C13orf42: variants seen among roughly 807,000 people sequenced by gnomAD.
C13orf42 encodes the protein uncharacterized protein C13orf42.
At chr13:51,156,278 A>AC (rs11406063) in intron 1 of C13orf42, among the ~76,000 whole-genome samples, 40,293 of 152,136 alleles carry the variant, frequency 0.26, 5,549 homozygotes, top group Admixed American at 0.33. Flanking sequence ...TGGCCCTTCC[A>AC]TTTGAAAGCC....
chr13:51,122,496 T>C (rs1185898913), intron 1 of C13orf42, among the ~76,000 whole-genome samples: 1 of 143,472 alleles, frequency 7.0e-6, no homozygotes, highest in Non-Finnish European at 1.5e-5. Flanking sequence ...ATTGCGCCAC[T>C]GCACTCCAGC....
chr13:51,130,725 C>G (rs530141473), intron 1 of C13orf42, among the ~76,000 whole-genome samples: 8 of 152,196 alleles, frequency 5.3e-5, no homozygotes, highest in Admixed American at 3.3e-4. Context: ...TAATTAAACC[C>G]CTGAACTTAC....
intron 1 of C13orf42, among the ~76,000 whole-genome samples, chr13:51,163,558 A>C (rs1465006398): frequency 1.3e-5 from 2 of 152,128 alleles, no homozygotes; most frequent in Non-Finnish European, 2.9e-5. Context: ...TAGTATTTTC[A>C]CTTAGCAAAC....
At chr13:51,086,627 T>C (rs555475503) in intron 2 of C13orf42, among the ~76,000 whole-genome samples, 29 of 152,338 alleles carry the variant, frequency 1.9e-4, no homozygotes, top group African/African-American at 5.8e-4. Flanking sequence ...TTCTTCTTTA[T>C]GCTTTGGTAT....
intron 1 of C13orf42, among the ~76,000 whole-genome samples, chr13:51,093,126 G>T (rs150573024): frequency 1.3e-5 from 2 of 152,228 alleles, no homozygotes; most frequent in East Asian, 3.8e-4. Context: ...TGTGCAAGTT[G>T]GTTTGTTCAA....
At chr13:51,158,227 G>GA (rs1953838899) in intron 1 of C13orf42, among the ~76,000 whole-genome samples, 3 of 152,218 alleles carry the variant, frequency 2.0e-5, no homozygotes, top group Non-Finnish European at 4.4e-5. Flanking sequence ...AGAACCTACA[G>GA]TTCTCAGCCA....
At chr13:51,156,109 T>C (rs1953822586) in intron 1 of C13orf42, among the ~76,000 whole-genome samples, 2 of 152,182 alleles carry the variant, frequency 1.3e-5, no homozygotes, top group African/African-American at 4.8e-5. Context: ...ACCCCCGGCC[T>C]GTAACCCAGG....
chr13:51,163,704 T>C (rs1257217525), intron 1 of C13orf42, among the ~76,000 whole-genome samples: 1 of 152,124 alleles, frequency 6.6e-6, no homozygotes, highest in Non-Finnish European at 1.5e-5. Context: ...ATCTCCAGGC[T>C]GGCCCCTGCT....
rs541566573 is a variant in C13orf42 at position 51,134,615 on chromosome 13, T to C, written n.137-21393A>G. On this transcript the variant is annotated intron_variant and non_coding_transcript_variant, in intron 1 of 4. Coordinates refer to the C13orf42 transcript ENST00000433280. ...AACAAGCAAGGCAGGAAATTCCTCC[T>C]GTCTGAGGTTAATTTGATCACCAGC... Among the ~76,000 whole-genome samples, 126 of 152,386 alleles carry C rather than the reference T, an allele frequency of 8.3e-4. 1 individual carries two copies. The highest frequency in any genetic ancestry group is 6.8e-3 in the Middle Eastern group (2 of 294).
Position 51,132,501 on chromosome 13 carries a change from G to T in C13orf42, n.137-19279C>A, listed in dbSNP as rs1165520189. On this transcript the variant is annotated intron_variant and non_coding_transcript_variant, in intron 1 of 4. Transcript: ENST00000433280. The stretch of plus-strand genomic sequence containing the variant: ...AAATTAAACACTTATTCATCTTCTG[G>T]ATATCACCTTTTGTTGGAACTCAGA... Among the ~76,000 whole-genome samples the T allele has an allele frequency of 3.9e-5, 6 of 152,016 alleles. No individual in the cohort carries two copies. In the East Asian group the frequency reaches 1.2e-3, roughly 29 times the overall value.
chr13:51,099,931 C>T (rs1364242269), intron 1 of C13orf42, among the ~76,000 whole-genome samples: 2 of 152,228 alleles, frequency 1.3e-5, no homozygotes, highest in Admixed American at 1.3e-4. Flanking sequence ...ATATATCAAA[C>T]TGTTAGAAGC....
intron 1 of C13orf42, among the ~76,000 whole-genome samples, chr13:51,116,931 G>A (rs1238942368): frequency 6.6e-6 from 1 of 152,196 alleles, no homozygotes; most frequent in Non-Finnish European, 1.5e-5. Context: ...CAGTTCAAAG[G>A]TGGACACGGC....
intron 1 of C13orf42, among the ~76,000 whole-genome samples, chr13:51,130,749 A>C (rs972524867): frequency 1.3e-5 from 2 of 151,914 alleles, no homozygotes; most frequent in African/African-American, 2.4e-5. Flanking sequence ...GGTTTTCACC[A>C]AAAGTAAAAG....
At position 51,146,466 on chromosome 13, in the gene C13orf42, A is replaced by T. The variant is rs559553206; in HGVS notation, n.136+25787T>A. ...TTAAGAAGTTTATTTTGCCAAAGTTAAGGACGCACGCCCATGACACAGCCT... is the reference window on the plus strand; with the variant it reads ...TTAAGAAGTTTATTTTGCCAAAGTTTAGGACGCACGCCCATGACACAGCCT... On this transcript the variant is annotated intron_variant and non_coding_transcript_variant, in intron 1 of 4. Coordinates refer to the C13orf42 transcript ENST00000433280. Among the ~76,000 whole-genome samples the T allele has an allele frequency of 1.4e-4, 22 of 152,300 alleles. 1 individual carries two copies. The East Asian group carries it at 4.1e-3, about 28-fold the overall frequency.
intron 2 of C13orf42, among the ~76,000 whole-genome samples, chr13:51,086,710 T>C (rs1953131507): frequency 6.6e-6 from 1 of 152,208 alleles, no homozygotes; most frequent in South Asian, 2.1e-4. Context: ...CATTCATTTT[T>C]ATTAAAAATT....
intron 1 of C13orf42, among the ~76,000 whole-genome samples, chr13:51,104,143 T>A (rs939074871): frequency 7.9e-5 from 12 of 152,268 alleles, no homozygotes; most frequent in Non-Finnish European, 8.8e-5. Flanking sequence ...GGGTCCACGA[T>A]CTTTTAAGGA....
chr13:51,112,502 A>G (rs1338901538), upstream of C13orf42, among the ~76,000 whole-genome samples: 1 of 152,198 alleles, frequency 6.6e-6, no homozygotes, highest in Non-Finnish European at 1.5e-5. Flanking sequence ...TGACTGTAAA[A>G]TATCATTATA....
chr13:51,101,513 T>TA (rs994405232), intron 1 of C13orf42, among the ~76,000 whole-genome samples: 1 of 151,796 alleles, frequency 6.6e-6, no homozygotes, highest in Non-Finnish European at 1.5e-5. Context: ...TCTATTCCAC[T>TA]AAAAAAAAGA....
chr13:51,146,481 T>C (rs1856805), intron 1 of C13orf42, among the ~76,000 whole-genome samples: 64,007 of 152,124 alleles, frequency 0.42, 13,625 homozygotes, highest in Middle Eastern at 0.49. Flanking sequence ...CGCACGCCCA[T>C]GACACAGCCT....
Sources: allele counts gnomAD v4.1 joint callset (sites outside exome capture counted in the v4.1 genomes callset), GRCh38; gene constraint gnomAD v4.1.1; transcripts MANE v1.5; gene names NCBI Gene and HGNC (gene_info 2026-07-23, HGNC 2026-07-21).